The following EPHX2 variants were observed in gnomAD, a reference collection of about 807,000 sequenced individuals.
The protein encoded by EPHX2 is bifunctional epoxide hydrolase 2.
EPHX2 carries 74 observed loss-of-function variants against 78.7 expected under a neutral mutation model. The ratio of observed to expected loss-of-function variants is 0.94; its 90% CI spans 0.78 to 1.14. The LOEUF (loss-of-function observed/expected upper bound fraction) is 1.14, where lower values mean the gene tolerates loss of function less well. Ranked by LOEUF, EPHX2 falls within the 50% of genes most tolerant of loss-of-function variation. EPHX2 has a pLI of 0.00. For missense variants in EPHX2, 715 were observed against 702.5 expected, an observed-to-expected ratio of 1.02 and a Z score of -0.20; for synonymous variants, 251 against 255.2, an observed-to-expected ratio of 0.98 and a Z score of 0.16.
chr8:27,506,891 T>A lies in EPHX2; in HGVS notation c.557T>A (p.Ile186Asn). Residue 186 changes from isoleucine to asparagine, a missense_variant, in exon 5 of 19, where the codon ATC becomes AAC. By Grantham distance (149) the Ile-to-Asn change is moderately radical. Coordinates refer to ENST00000521400, the MANE Select transcript of EPHX2 (RefSeq NM_001979.6). ...SPSEVVFLDD[I>N]GANLKPARDL... ...GCTCAGGTCGTTTTTTTGGATGACA[T>A]CGGGGCTAATCTGAAGCCAGCCCGT... 6.2e-7 allele frequency: 1 copy of A among 1,613,840 alleles called. No individual in the cohort carries two copies. The highest frequency in any genetic ancestry group is 8.5e-7 in the Non-Finnish European group (1 of 1,179,882).
At chr8:27,516,238 G>A in intron 7 of EPHX2, 82 bp from the exon 8 acceptor site, 1 of 1,330,828 alleles carries the variant, frequency 7.5e-7, no homozygotes, top group Non-Finnish European at 1.1e-6. Flanking sequence ...TTTACAGGAA[G>A]AAGGGGATGG....
intron 7 of EPHX2, among the ~76,000 whole-genome samples, chr8:27,516,041 C>T (rs986037671): frequency 1.3e-5 from 2 of 152,192 alleles, no homozygotes; most frequent in Admixed American, 1.3e-4. Context: ...ACACTCCATG[C>T]CCCCTGCTGG....
chr8:27,503,808 C>T, intron 3 of EPHX2, 45 bp downstream of exon 3: 11 of 1,581,262 alleles, frequency 7.0e-6, no homozygotes, highest in Non-Finnish European at 9.4e-6. Flanking sequence ...CCACCCAGAA[C>T]CCTCGGGAGC....
intron 12 of EPHX2, among the ~76,000 whole-genome samples, chr8:27,532,982 G>C (rs893471196): frequency 2.6e-5 from 4 of 151,936 alleles, no homozygotes; most frequent in African/African-American, 9.7e-5. Flanking sequence ...AGGCATGGTG[G>C]TGCACACATG....
chr8:27,507,104 C>T, intron 5 of EPHX2, 110 bp downstream of exon 5: 11 of 1,398,184 alleles, frequency 7.9e-6, no homozygotes. Flanking sequence ...ATGAATGACT[C>T]CTGGGCACCG....
intron 2 of EPHX2, 51 bp from the exon 3 acceptor site, chr8:27,503,553 A>T: frequency 1.3e-6 from 2 of 1,552,034 alleles, no homozygotes; most frequent in Non-Finnish European, 1.7e-6. Flanking sequence ...AGACCCTGCC[A>T]GAGCTTTTCT....
At chr8:27,530,762 CTTTTTTTT>C (rs11343503) in intron 12 of EPHX2, among the ~76,000 whole-genome samples, 2 of 127,364 alleles carry the variant, frequency 1.6e-5, no homozygotes, top group Non-Finnish European at 1.6e-5. Context: ...TAATTTTTTT[CTTTTTTTT>C]TTTTTTTTTT....
chr8:27,530,347 A>C (rs535355806), intron 12 of EPHX2, among the ~76,000 whole-genome samples: 1 of 152,336 alleles, frequency 6.6e-6, no homozygotes, highest in Admixed American at 6.5e-5. Flanking sequence ...TGTTGTGTAA[A>C]GTAAAAAGCT....
intron 16 of EPHX2, among the ~76,000 whole-genome samples, chr8:27,543,481 G>C (rs528076014): frequency 1.3e-5 from 2 of 152,170 alleles, no homozygotes; most frequent in Admixed American, 6.5e-5. Context: ...TGCCTTCTTG[G>C]TGCCATCAAT....
chr8:27,509,390 C>G, intron 5 of EPHX2, among the ~76,000 whole-genome samples: 1 of 152,034 alleles, frequency 6.6e-6, no homozygotes, highest in Non-Finnish European at 1.5e-5. Flanking sequence ...TGTGTGTATA[C>G]CTACGAGTGG....
intron 4 of EPHX2, among the ~76,000 whole-genome samples, chr8:27,506,361 T>C (rs1814006269): frequency 6.6e-6 from 1 of 152,206 alleles, no homozygotes; most frequent in South Asian, 2.1e-4. Flanking sequence ...AGGATCCATT[T>C]TATTCCCCCA....
At position 27,502,247 on chromosome 8, in the gene EPHX2, C is replaced by T. The variant is rs73556168; in HGVS notation, c.186+1237C>T. On this transcript the variant is annotated intron_variant, in intron 2 of 18. Coordinates refer to ENST00000521400, the MANE Select transcript of EPHX2 (RefSeq NM_001979.6). Reference sequence around the variant, plus strand: ...TCAACATTGTATGAGTGAGACTCATCGTTGTTGCATGCTGCCATAGATCAT... The same window carrying T: ...TCAACATTGTATGAGTGAGACTCATTGTTGTTGCATGCTGCCATAGATCAT... 3.6e-3 allele frequency among the ~76,000 whole-genome samples: 545 copies of T among 152,346 alleles called. 4 individuals are homozygous for T. Among genetic ancestry groups the T allele is most frequent in the African/African-American group, 0.011 (464 of 41,588 alleles).
At chr8:27,534,504 T>A (rs751903772) in intron 12 of EPHX2, among the ~76,000 whole-genome samples, 20 of 151,996 alleles carry the variant, frequency 1.3e-4, no homozygotes, top group Non-Finnish European at 1.6e-4. Context: ...TACCAAAAAT[T>A]AGCCGGGCGT....
At chr8:27,534,462 C>T (rs1164941826) in intron 12 of EPHX2, among the ~76,000 whole-genome samples, 1 of 152,080 alleles carries the variant, frequency 6.6e-6, no homozygotes, top group African/African-American at 2.4e-5. Flanking sequence ...ACTAGCCCGA[C>T]CAACATGATG....
chr8:27,506,176 C>CG (rs895612031), intron 4 of EPHX2, among the ~76,000 whole-genome samples: 32 of 152,124 alleles, frequency 2.1e-4, no homozygotes, highest in Admixed American at 1.8e-3. Context: ...TCTGTTGTAA[C>CG]GGGGGTCTCA....
chr8:27,498,236 A>G (rs538823775), intron 1 of EPHX2, among the ~76,000 whole-genome samples: 22 of 152,304 alleles, frequency 1.4e-4, no homozygotes, highest in Non-Finnish European at 2.5e-4. Context: ...CTTGAAGGGG[A>G]CATAACCGAT....
intron 12 of EPHX2, among the ~76,000 whole-genome samples, chr8:27,532,291 CAG>C (rs1459534541): frequency 6.6e-6 from 1 of 152,232 alleles, no homozygotes; most frequent in Non-Finnish European, 1.5e-5. Flanking sequence ...AGGAAAATAA[CAG>C]AAGATAACAT....
chr8:27,530,334 C>T (rs1814993548), intron 12 of EPHX2, among the ~76,000 whole-genome samples: 1 of 152,086 alleles, frequency 6.6e-6, no homozygotes, highest in South Asian at 2.1e-4. Context: ...TAAAAAAGTC[C>T]TGTGTTGTGT....
At chr8:27,501,394 T>TTCTTCTTCTTCTTCTTCTTC (rs376633107) in intron 2 of EPHX2, among the ~76,000 whole-genome samples, 1 of 73,064 alleles carries the variant, frequency 1.4e-5, no homozygotes, top group Non-Finnish European at 3.4e-5. Flanking sequence ...CTTCTTCTTC[T>TTCTTCTTCTTCTTCTTCTTC]TTCTTCTTTC....
Sources: gnomAD v4.1 joint callset for allele counts (sites outside exome capture counted in the v4.1 genomes callset) on GRCh38, gnomAD v4.1.1 for gene constraint, MANE v1.5 for transcripts, NCBI Gene and HGNC (gene_info 2026-07-23, HGNC 2026-07-21) for gene names.